ZNF462: variants seen among roughly 807,000 people sequenced by gnomAD.
ZNF462 encodes the protein zinc finger protein 462, also known as zinc finger PBX1-interacting protein.
In ZNF462, 10 loss-of-function variants were observed where a neutral mutation model predicts 201.9. The observed-to-expected ratio is 0.05, with a 90% CI of 0.03 to 0.08. The LOEUF is 0.08. Among genes scored for constraint, ZNF462 ranks in the 10% least tolerant of loss-of-function variants. The pLI, the probability that ZNF462 is intolerant of heterozygous loss-of-function variation, is 1.00. For synonymous variants in ZNF462, 1,227 were observed against 1,193.3 expected, an observed-to-expected ratio of 1.03 and a Z score of -0.58; for missense variants, 2,523 against 3,168.3, an observed-to-expected ratio of 0.80 and a Z score of 4.89.
At position 106,896,974 on chromosome 9, in the gene ZNF462, A is replaced by AC. The variant is rs529237692; in HGVS notation, c.-30-26378dup. ...AAAATGTGGGCTGACTTGTTGGCCA[A>AC]CCATTCATGAACCTGGGGATTTTTT... On this transcript the variant is annotated intron_variant, in intron 1 of 12. Coordinates refer to ENST00000277225, the MANE Select transcript of ZNF462 (RefSeq NM_021224.6). 4.1e-3 allele frequency among the ~76,000 whole-genome samples: 617 copies of AC among 152,328 alleles called. 6 individuals carry two copies. The highest frequency in any genetic ancestry group is 0.015 in the African/African-American group (604 of 41,572).
At chr9:106,882,121 A>G (rs941461844) in intron 1 of ZNF462, among the ~76,000 whole-genome samples, 7 of 152,196 alleles carry the variant, frequency 4.6e-5, no homozygotes, top group Non-Finnish European at 8.8e-5. Flanking sequence ...TTTCAGGGAA[A>G]AAGATCTTAT....
intron 10 of ZNF462, among the ~76,000 whole-genome samples, chr9:106,985,520 G>T (rs1827773576): frequency 6.6e-6 from 1 of 152,088 alleles, no homozygotes; most frequent in African/African-American, 2.4e-5. Flanking sequence ...TTCTGGTATT[G>T]CCCAGAGTAC....
chr9:106,864,100 CTCTCTCTCT>C lies in ZNF462; in HGVS notation c.-31+746_-31+754del, dbSNP rs1827208862. Among the ~76,000 whole-genome samples the C allele has an allele frequency of 1.4e-4, 18 of 125,156 alleles. 1 individual carries two copies. The highest frequency in any genetic ancestry group is 5.3e-4 in the African/African-American group (18 of 33,742). 82.1% of individuals were successfully genotyped at this position (125,156 alleles called of 152,430 possible). A position where few individuals can be genotyped will look rare whatever the true frequency, so the allele number is the denominator to read the frequency against. On this transcript the variant is annotated intron_variant, in intron 1 of 12. Transcript: ENST00000277225. ...TCTCTCTCTCTCTCTCTCTCTCTCT[CTCTCTCTCT>C]CCCTCTCCCCGAAGTTGGGATGCGG...
intron 5 of ZNF462, among the ~76,000 whole-genome samples, chr9:106,934,174 T>A (rs1830534855): frequency 6.6e-6 from 1 of 152,064 alleles, no homozygotes; most frequent in Non-Finnish European, 1.5e-5. Flanking sequence ...TATTATCATC[T>A]TATGAATAAG....
intron 10 of ZNF462, chr9:106,995,379 G>A (rs1291706497): frequency 6.6e-6 from 1 of 151,790 alleles, no homozygotes; most frequent in Non-Finnish European, 1.5e-5. Context: ...AAAAAAATTC[G>A]GAAAGGATGC....
intron 1 of ZNF462, among the ~76,000 whole-genome samples, chr9:106,909,710 A>G (rs1334137625): frequency 6.6e-6 from 1 of 152,174 alleles, no homozygotes; most frequent in African/African-American, 2.4e-5. Flanking sequence ...TGTTACTGTG[A>G]AAAAGTCAGA....
chr9:106,971,469 G>A (rs984678966), intron 7 of ZNF462, among the ~76,000 whole-genome samples: 1 of 151,094 alleles, frequency 6.6e-6, no homozygotes, highest in Non-Finnish European at 1.5e-5. Context: ...AATACCATGA[G>A]CCCTCAAAGT....
intron 1 of ZNF462, among the ~76,000 whole-genome samples, chr9:106,911,694 T>G (rs1002917416): frequency 6.6e-6 from 1 of 152,178 alleles, no homozygotes; most frequent in Non-Finnish European, 1.5e-5. Flanking sequence ...TGAACAAACA[T>G]AGAGATCTCA....
Position 106,972,389 on chromosome 9 carries a change from A to G in ZNF462, c.6695+117A>G. The G allele has an allele frequency of 7.1e-7, 1 of 1,416,986 alleles. No individual in the cohort carries two copies. Among genetic ancestry groups the G allele is most frequent in the African/African-American group, 1.4e-5 (1 of 69,838 alleles). The allele number at this position is 1,416,986 out of a possible 1,614,324, so 87.8% of individuals were successfully genotyped here. A position where few individuals can be genotyped will look rare whatever the true frequency, so the allele number is the denominator to read the frequency against. On this transcript the variant is annotated intron_variant, in intron 8 of 12. Coordinates refer to ENST00000277225, the MANE Select transcript of ZNF462 (RefSeq NM_021224.6). This position sits in a 1 kb window ranked among gnomAD's most constrained non-coding sequence, Gnocchi z 4.8. ...GCTTATGGGAGGCCCTGCCCATGTG[A>G]TGATGTAGGGGTTGGGTCCAGGCTT... is the stretch of plus-strand genomic sequence containing the variant.
rs2131106542 is a variant in ZNF462 at position 106,895,549 on chromosome 9, T to G, written c.-30-27805T>G. 6.6e-6 allele frequency among the ~76,000 whole-genome samples: 1 copy of G among 152,328 alleles called. No homozygotes were observed. Among genetic ancestry groups the G allele is most frequent in the East Asian group, 1.9e-4 (1 of 5,184 alleles). The stretch of plus-strand genomic sequence containing the variant: ...TTTCGTTATATCACATTGCCCTGAT[T>G]AAGGATGATAAGAGATCCCTGTTTC... On this transcript the variant is annotated intron_variant, in intron 1 of 12. Transcript: ENST00000277225. This position sits in a 1 kb window ranked among gnomAD's most constrained non-coding sequence, Gnocchi z 4.4.
rs1829348489 is a variant in ZNF462 at position 107,003,579 on chromosome 9, G to T, written c.7189+153G>T. Among the ~76,000 whole-genome samples, 1 of 152,128 alleles carries T rather than the reference G, an allele frequency of 6.6e-6. No homozygotes were observed. Among genetic ancestry groups the T allele is most frequent in the Non-Finnish European group, 1.5e-5 (1 of 68,022 alleles). On this transcript the variant is annotated intron_variant, in intron 11 of 12. Coordinates refer to ENST00000277225, the MANE Select transcript of ZNF462 (RefSeq NM_021224.6). The surrounding 1 kb of genome is among the most constrained non-coding windows in gnomAD (Gnocchi z 4.4). ...GACTGACTTAGAAAACACATCAAGA[G>T]CTGTGTCTTTGTAAACTATTACCAG...
chr9:106,890,745 G>C lies in ZNF462; in HGVS notation c.-31+27390G>C, dbSNP rs1027843791. ...CTAAGGCTCATGTCACTCGCATCAT[G>C]CTGTGACATGAAACAATATTGCATC... On this transcript the variant is annotated intron_variant, in intron 1 of 12. Coordinates refer to ENST00000277225, the MANE Select transcript of ZNF462 (RefSeq NM_021224.6). The surrounding 1 kb of genome is among the most constrained non-coding windows in gnomAD (Gnocchi z 4.2). Among the ~76,000 whole-genome samples the C allele has an allele frequency of 6.6e-6, 1 of 152,148 alleles. No homozygotes were observed. The highest frequency in any genetic ancestry group is 2.4e-5 in the African/African-American group (1 of 41,426).
intron 10 of ZNF462, among the ~76,000 whole-genome samples, chr9:106,998,834 C>T (rs950493948): frequency 6.6e-6 from 1 of 152,056 alleles, no homozygotes; most frequent in African/African-American, 2.4e-5. Context: ...GTCTCAAACT[C>T]CTGACCTCAA....
rs1230583957 is a variant in ZNF462 at position 107,003,956 on chromosome 9, C to T, written c.7189+530C>T. ...CTTTGTAAGGAGAGAGAAAGAGAGACCACCTCTTTCATTCAACTATGTATT... is the reference window on the plus strand; with the variant it reads ...CTTTGTAAGGAGAGAGAAAGAGAGATCACCTCTTTCATTCAACTATGTATT... On this transcript the variant is annotated intron_variant, in intron 11 of 12. Coordinates refer to ENST00000277225, the MANE Select transcript of ZNF462 (RefSeq NM_021224.6). This position sits in a 1 kb window ranked among gnomAD's most constrained non-coding sequence, Gnocchi z 4.4. Among the ~76,000 whole-genome samples, 1 of 152,108 alleles carries T rather than the reference C, an allele frequency of 6.6e-6. No individual in the cohort carries two copies. The highest frequency in any genetic ancestry group is 1.5e-5 in the Non-Finnish European group (1 of 68,026).
chr9:106,932,791 A>T lies in ZNF462; in HGVS notation c.6116+242A>T. On this transcript the variant is annotated intron_variant, in intron 5 of 12. Coordinates refer to ENST00000277225, the MANE Select transcript of ZNF462 (RefSeq NM_021224.6). This position sits in a 1 kb window ranked among gnomAD's most constrained non-coding sequence, Gnocchi z 6.8. ...AAAAATGAGAATTGGAGGAATTGCT[A>T]TGATTTACCCAAAGGTAAAATGGCA... 1.7e-6 allele frequency: 1 copy of T among 599,806 alleles called. No homozygotes were observed. Among genetic ancestry groups the T allele is most frequent in the Non-Finnish European group, 2.9e-6 (1 of 340,684 alleles). The allele number at this position is 599,806 out of a possible 1,614,324, so 37.2% of individuals were successfully genotyped here.
intron 7 of ZNF462, among the ~76,000 whole-genome samples, chr9:106,947,633 A>G (rs1031677886): frequency 6.6e-6 from 1 of 152,130 alleles, no homozygotes; most frequent in Non-Finnish European, 1.5e-5. Context: ...TAATATGTCT[A>G]ATGCATTGGA....
intron 7 of ZNF462, among the ~76,000 whole-genome samples, chr9:106,956,322 GTAACA>G (rs1301729151): frequency 6.6e-6 from 1 of 152,092 alleles, no homozygotes; most frequent in African/African-American, 2.4e-5. Context: ...CCAATGAGTA[GTAACA>G]TTTTGAAAGG....
chr9:106,999,552 A>G (rs987272599), intron 10 of ZNF462, among the ~76,000 whole-genome samples: 1 of 152,178 alleles, frequency 6.6e-6, no homozygotes, highest in Non-Finnish European at 1.5e-5. Context: ...ATGAAATGCT[A>G]TGTAGTGATT....
chr9:106,944,289 C>T (rs772727546), intron 7 of ZNF462, among the ~76,000 whole-genome samples: 26 of 152,140 alleles, frequency 1.7e-4, no homozygotes, highest in Admixed American at 3.3e-4. Flanking sequence ...ACCAACAAAA[C>T]TTGTCAATGA....
Sources: gnomAD v4.1 joint callset for allele counts (sites outside exome capture counted in the v4.1 genomes callset) on GRCh38, gnomAD v4.1.1 for gene constraint, Gnocchi (gnomAD v3.1) non-coding constraint, MANE v1.5 for transcripts, NCBI Gene and HGNC (gene_info 2026-07-23, HGNC 2026-07-21) for gene names.